The following DNAJC22 variants were observed in gnomAD, a reference collection of about 807,000 sequenced individuals.
DNAJC22 encodes the protein DnaJ heat shock protein family (Hsp40) member C22.
Under a neutral mutation model 22.2 loss-of-function variants are expected in DNAJC22, and 24 were observed. That is an observed-to-expected ratio of 1.08 (90% CI 0.78 to 1.52). The LOEUF is 1.52. Ranked by LOEUF, DNAJC22 falls within the 40% of genes most tolerant of loss-of-function variation. The pLI is 0.00. For missense variants in DNAJC22, 434 were observed against 421.7 expected (o/e 1.03, Z -0.26); for synonymous variants, 160 against 167.4 (o/e 0.96, Z 0.34).
In DNAJC22 at chr12:49,349,256, C is replaced by T. The variant is rs1305576116; in HGVS notation, c.384C>T (p.Thr128=). ...TGGTGGCTGCTGTTGGCAACCAGAC[C>T]TCAGACTTTAAGAACACTCTGGGGT... ...VLLVAAVGNQ[T]SDFKNTLGSA... is the part of the protein sequence containing the mutation. Residue 128 remains threonine, a synonymous_variant, in exon 3 of 4, where the codon ACC becomes ACT. Transcript: ENST00000549441. 6.2e-7 allele frequency: 1 copy of T among 1,614,186 alleles called. No individual in the cohort carries two copies. Among genetic ancestry groups the T allele is most frequent in the South Asian group, 1.1e-5 (1 of 91,082 alleles).
Position 49,348,834 on chromosome 12 carries a change from C to T in DNAJC22, c.-39C>T, listed in dbSNP as rs373791367. 24 of 1,454,266 alleles carry T rather than the reference C, an allele frequency of 1.7e-5. No homozygotes were observed. The highest frequency in any genetic ancestry group is 4.9e-5 in the East Asian group (2 of 41,072). The allele number at this position is 1,454,266 out of a possible 1,614,324, so 90.1% of individuals were successfully genotyped here. On this transcript the variant is annotated 5_prime_UTR_variant, in exon 3 of 4. The change creates a premature stop within an existing upstream ORF in the 5' untranslated region. Coordinates refer to ENST00000549441, the MANE Select transcript of DNAJC22 (RefSeq NM_001304944.2). ...AGAGGACCCCGAGACTTCTGTGCTG[C>T]GAGTAACCGGACTTGTTCTGAGACC...
chr12:49,348,998 G>C lies in DNAJC22; in HGVS notation c.126G>C (p.Gly42=), dbSNP rs769007864. 6.4e-7 allele frequency: 1 copy of C among 1,567,160 alleles called. No individual in the cohort carries two copies. The highest frequency in any genetic ancestry group is 1.9e-5 in the Admixed American group (1 of 53,708). Reference sequence around the variant, plus strand: ...GGATGCTGACCCTGGGGGGAGGTGGGCTGGGCTGGCTCTGGGAGTTCTGGA... The same window carrying C: ...GGATGCTGACCCTGGGGGGAGGTGGCCTGGGCTGGCTCTGGGAGTTCTGGA... ...LLWMLTLGGG[G]LGWLWEFWKL... is the part of the protein sequence containing the mutation. The change falls in exon 3 of 4, where the codon GGG becomes GGC. Residue 42 remains glycine, a synonymous_variant. Coordinates refer to ENST00000549441, the MANE Select transcript of DNAJC22 (RefSeq NM_001304944.2).
intron 3 of DNAJC22, 80 bp downstream of exon 3, chr12:49,349,792 A>G: frequency 6.3e-7 from 1 of 1,580,940 alleles, no homozygotes; most frequent in Non-Finnish European, 8.6e-7. Context: ...TCTGTTGGCC[A>G]GGTGCTGGAA....
Position 49,349,619 on chromosome 12 carries a change from G to T in DNAJC22, c.747G>T (p.Glu249Asp), listed in dbSNP as rs1172653016. The T allele has an allele frequency of 2.5e-6, 4 of 1,614,130 alleles. No individual in the cohort carries two copies. Among genetic ancestry groups the T allele is most frequent in the South Asian group, 2.2e-5 (2 of 91,090 alleles). ...PYRIWRLLMG[E>D]TGFNSSCFQE... ...GGATCTGGAGGCTACTGATGGGGGA[G>T]ACTGGCTTCAACAGCAGCTGCTTTC... The change falls in exon 3 of 4, where the codon GAG becomes GAT. Residue 249 changes from glutamate (E) to aspartate (D), a missense_variant. Physicochemically the swap from Glu to Asp is conservative, Grantham distance 45 (BLOSUM62 2). Coordinates refer to ENST00000549441, the MANE Select transcript of DNAJC22 (RefSeq NM_001304944.2).
chr12:49,348,962 C>T lies in DNAJC22; in HGVS notation c.90C>T (p.His30=), dbSNP rs752652477. ...LHHLYLGRDS[H]ALLWMLTLGG... ...ACCTGTACCTGGGAAGGGACAGCCA[C>T]GCCCTGCTCTGGATGCTGACCCTGG... Residue 30 remains histidine, a synonymous_variant, in exon 3 of 4, where the codon CAC becomes CAT. Coordinates refer to ENST00000549441, the MANE Select transcript of DNAJC22 (RefSeq NM_001304944.2). 1.4e-5 allele frequency: 22 copies of T among 1,538,462 alleles called. No homozygotes were observed. Among genetic ancestry groups the T allele is most frequent in the South Asian group, 1.0e-4 (8 of 77,022 alleles).
Position 49,352,721 on chromosome 12 carries a change from A to G in DNAJC22, c.*1219A>G, listed in dbSNP as rs1165953240. The G allele has an allele frequency of 6.6e-6, 1 of 152,184 alleles. No individual in the cohort carries two copies. The highest frequency in any genetic ancestry group is 1.5e-5 in the Non-Finnish European group (1 of 68,028). 9.4% of individuals were successfully genotyped at this position (152,184 alleles called of 1,614,324 possible). On this transcript the variant is annotated 3_prime_UTR_variant, in exon 4 of 4. Transcript: ENST00000549441. ...TGAGAAAAATATTTTCATTCCATTT[A>G]TGGGAGAACTTTCTAGCAGCTACAC...
In DNAJC22 at chr12:49,349,517, T is replaced by A; in HGVS notation, c.645T>A (p.Phe215Leu). Reference protein sequence around the residue: ...AATLSYVAETFGSFLNWFSFF... With the variant: ...AATLSYVAETLGSFLNWFSFF... ...CCCTCAGCTATGTGGCAGAAACCTT[T>A]GGCTCCTTCTTGAATTGGTTCAGCT... Residue 215 changes from phenylalanine (F) to leucine (L), a missense_variant, in exon 3 of 4, where the codon TTT becomes TTA. By Grantham distance (22) the Phe-to-Leu change is conservative (BLOSUM62 0). Transcript: ENST00000549441. The A allele has an allele frequency of 6.2e-7, 1 of 1,614,236 alleles. No individual in the cohort carries two copies. Among genetic ancestry groups the A allele is most frequent in the Non-Finnish European group, 8.5e-7 (1 of 1,180,040 alleles).
At position 49,349,139 on chromosome 12, in the gene DNAJC22, C is replaced by T; in HGVS notation, c.267C>T (p.Ile89=). The part of the protein sequence containing the change: ...IRFAAQVIVG[I]YFGLVALISL... ...TTGCTGCCCAGGTGATAGTTGGCAT[C>T]TATTTTGGCCTTGTGGCACTGATTA... Residue 89 remains isoleucine, a synonymous_variant, in exon 3 of 4, where the codon ATC becomes ATT. Transcript: ENST00000549441. 1 of 1,614,182 alleles carries T rather than the reference C, an allele frequency of 6.2e-7. No individual in the cohort carries two copies. Among genetic ancestry groups the T allele is most frequent in the Non-Finnish European group, 8.5e-7 (1 of 1,180,026 alleles).
rs937251201 is a variant in DNAJC22, at chr12:49,347,908, G to A, written c.-305G>A. On this transcript the variant is annotated 5_prime_UTR_variant, in exon 2 of 4. Coordinates refer to ENST00000549441, the MANE Select transcript of DNAJC22 (RefSeq NM_001304944.2). ...CGAGGGCGGGCGGGAGGAGTCCCAGGCGGGAATGTGATCCCCAGGGGGCCG... is the reference window on the plus strand; with the variant it reads ...CGAGGGCGGGCGGGAGGAGTCCCAGACGGGAATGTGATCCCCAGGGGGCCG... The A allele has an allele frequency of 4.6e-5, 7 of 152,426 alleles. No individual in the cohort carries two copies. The highest frequency in any genetic ancestry group is 1.7e-4 in the African/African-American group (7 of 41,472). 9.4% of individuals were successfully genotyped at this position (152,426 alleles called of 1,614,324 possible).
chr12:49,349,613 G>A lies in DNAJC22; in HGVS notation c.741G>A (p.Met247Ile), dbSNP rs148896963. 4 of 1,614,114 alleles carry A rather than the reference G, an allele frequency of 2.5e-6. No homozygotes were observed. Among genetic ancestry groups the A allele is most frequent in the African/African-American group, 2.7e-5 (2 of 74,940 alleles). The change falls in exon 3 of 4, where the codon ATG (methionine) becomes ATA (isoleucine). Residue 247 changes from methionine (M) to isoleucine (I), a missense_variant. By Grantham distance (10) the Met-to-Ile change is conservative (BLOSUM62 1). Coordinates refer to ENST00000549441, the MANE Select transcript of DNAJC22 (RefSeq NM_001304944.2). ...CTTACCGGATCTGGAGGCTACTGAT[G>A]GGGGAGACTGGCTTCAACAGCAGCT... Reference protein sequence around the residue: ...LLPYRIWRLLMGETGFNSSCF... With the variant: ...LLPYRIWRLLIGETGFNSSCF...
chr12:49,350,808 C>T (rs1301307649), intron 3 of DNAJC22, among the ~76,000 whole-genome samples: 1 of 152,118 alleles, frequency 6.6e-6, no homozygotes, highest in African/African-American at 2.4e-5. Flanking sequence ...ATTATTCCTC[C>T]TGTTACTTGC....
Position 49,351,488 on chromosome 12 carries a change from G to A in DNAJC22, c.1012G>A (p.Gly338Arg), listed in dbSNP as rs1943784926. The change falls in exon 4 of 4, where the codon GGA (glycine) becomes AGA (arginine). Residue 338 changes from glycine (G) to arginine (R), a missense_variant. Coordinates refer to ENST00000549441, the MANE Select transcript of DNAJC22 (RefSeq NM_001304944.2). The part of the protein sequence containing the change: ...EVLSQPRKPW[G>R]SRR ...CCTGAGTCAACCCAGGAAGCCCTGG[G>A]GATCCCGGAGGTGAAAAGAAACTTC... 1 of 1,541,930 alleles carries A rather than the reference G, an allele frequency of 6.5e-7. No homozygotes were observed. Among genetic ancestry groups the A allele is most frequent in the Non-Finnish European group, 8.7e-7 (1 of 1,151,800 alleles).
In DNAJC22 at chr12:49,348,828, G is replaced by A. The variant is rs754878658; in HGVS notation, c.-45G>A. The A allele has an allele frequency of 9.6e-6, 14 of 1,459,726 alleles. No homozygotes were observed. The highest frequency in any genetic ancestry group is 1.3e-5 in the Non-Finnish European group (14 of 1,105,664). 90.4% of individuals were successfully genotyped at this position (1,459,726 alleles called of 1,614,324 possible). ...TCTCACAGAGGACCCCGAGACTTCT[G>A]TGCTGCGAGTAACCGGACTTGTTCT... On this transcript the variant is annotated 5_prime_UTR_variant, in exon 3 of 4. In the 5' UTR this introduces an upstream ATG that the reference lacks. Transcript: ENST00000549441.
chr12:49,348,626 A>G (rs1372154459), intron 2 of DNAJC22, 140 bp from the exon 3 acceptor site: 4 of 395,834 alleles, frequency 1.0e-5, no homozygotes, highest in Non-Finnish European at 1.7e-5. Context: ...AATGGGACTG[A>G]GGTGCTAGGA....
In DNAJC22 at chr12:49,352,457, A is replaced by G. The variant is rs1317369582; in HGVS notation, c.*955A>G. ...CTTGAGCCTGGGAGGTGGAGGTTGC[A>G]GTCAACTGAGATTGAGCCACTGCAC... is the stretch of plus-strand genomic sequence containing the variant. On this transcript the variant is annotated 3_prime_UTR_variant, in exon 4 of 4. Coordinates refer to ENST00000549441, the MANE Select transcript of DNAJC22 (RefSeq NM_001304944.2). 1 of 152,226 alleles carries G rather than the reference A, an allele frequency of 6.6e-6. No homozygotes were observed. 9.4% of individuals were successfully genotyped at this position (152,226 alleles called of 1,614,324 possible). A position where few individuals can be genotyped will look rare whatever the true frequency, so the allele number is the denominator to read the frequency against.
Position 49,348,859 on chromosome 12 carries a change from CT to C in DNAJC22, c.-11del, listed in dbSNP as rs1943733384. ...CGAGTAACCGGACTTGTTCTGAGAC[CT>C]TTGCCCTAGAGGATGGCCAAGGGGC... On this transcript the variant is annotated 5_prime_UTR_variant, in exon 3 of 4. An upstream open reading frame in the 5' UTR loses its in-frame stop. Transcript: ENST00000549441. 6.7e-7 allele frequency: 1 copy of C among 1,481,664 alleles called. No individual in the cohort carries two copies. The allele number at this position is 1,481,664 out of a possible 1,614,324, so 91.8% of individuals were successfully genotyped here.
chr12:49,351,157 A>G (rs1029783388), intron 3 of DNAJC22, 160 bp from the exon 4 acceptor site: 19 of 1,425,050 alleles, frequency 1.3e-5, no homozygotes, highest in East Asian at 5.7e-5. Flanking sequence ...TTATTACTCT[A>G]TAAGGCTGGA....
In DNAJC22 at chr12:49,350,084, T is replaced by C. The variant is rs569932598; in HGVS notation, c.840+372T>C. 4.6e-5 allele frequency among the ~76,000 whole-genome samples: 7 copies of C among 151,512 alleles called. No individual in the cohort carries two copies. In the East Asian group the frequency reaches 9.6e-4, roughly 21 times the overall value. On this transcript the variant is annotated intron_variant, in intron 3 of 3. Coordinates refer to ENST00000549441, the MANE Select transcript of DNAJC22 (RefSeq NM_001304944.2). The stretch of plus-strand genomic sequence containing the variant: ...AGTTTTGCTCATTCTTCTTCTTCTT[T>C]TTTTTTTTTTGAGATGGAGTCTCGC...
In DNAJC22 at chr12:49,352,514, C is replaced by CT. The variant is rs1183080169; in HGVS notation, c.*1013dup. On this transcript the variant is annotated 3_prime_UTR_variant, in exon 4 of 4. Coordinates refer to ENST00000549441, the MANE Select transcript of DNAJC22 (RefSeq NM_001304944.2). ...CCAGCCTGGGCGGCAGAGCTAGATT[C>CT]TGTCTCAAAAATTAAATAAATAAAT... The CT allele has an allele frequency of 6.6e-6, 1 of 151,970 alleles. No individual in the cohort carries two copies. The highest frequency in any genetic ancestry group is 2.4e-5 in the African/African-American group (1 of 41,294). 9.4% of individuals were successfully genotyped at this position (151,970 alleles called of 1,614,324 possible). A position where few individuals can be genotyped will look rare whatever the true frequency, so the allele number is the denominator to read the frequency against.
Sources: gnomAD v4.1 joint callset for allele counts (sites outside exome capture counted in the v4.1 genomes callset) on GRCh38, gnomAD v4.1.1 for gene constraint, MANE v1.5 for transcripts, NCBI Gene and HGNC (gene_info 2026-07-23, HGNC 2026-07-21) for gene names.